Variants in SCAPER observed in about 807,000 individuals in gnomAD.
The protein encoded by SCAPER is S phase cyclin A-associated protein in the endoplasmic reticulum.
In SCAPER, 98 loss-of-function variants were observed where a neutral mutation model predicts 182.2. The observed-to-expected ratio is 0.54, with a 90% CI of 0.46 to 0.64. The LOEUF (loss-of-function observed/expected upper bound fraction) is 0.64. Among genes scored for constraint, SCAPER ranks in the 30% least tolerant of loss-of-function variants. SCAPER has a pLI of 0.00. For missense variants in SCAPER, 1,432 were observed against 1,690.0 expected (o/e 0.85, Z 2.68); for synonymous variants, 605 against 564.6 (o/e 1.07, Z -1.01).
chr15:76,617,295 A>G (rs970855707), intron 22 of SCAPER, among the ~76,000 whole-genome samples: 2 of 152,188 alleles, frequency 1.3e-5, no homozygotes, highest in Admixed American at 6.5e-5. Flanking sequence ...TTGATTAATC[A>G]GTAATTTAAC....
intron 21 of SCAPER, among the ~76,000 whole-genome samples, chr15:76,656,792 T>A (rs1431294852): frequency 6.6e-6 from 1 of 152,126 alleles, no homozygotes; most frequent in East Asian, 1.9e-4. Context: ...TGCTCCCAAA[T>A]GACTTTGGAG....
intron 23 of SCAPER, among the ~76,000 whole-genome samples, chr15:76,567,672 C>G (rs2047141517): frequency 6.6e-6 from 1 of 152,114 alleles, no homozygotes; most frequent in Non-Finnish European, 1.5e-5. Flanking sequence ...ATTTGGATTT[C>G]TTTCAGAATG....
At chr15:76,765,242 T>C in intron 13 of SCAPER, 95 bp downstream of exon 13, 1 of 1,064,230 alleles carries the variant, frequency 9.4e-7, no homozygotes, top group East Asian at 2.5e-5. Flanking sequence ...TGAAGTAATG[T>C]GTCCAAAAAT....
chr15:76,552,796 G>C (rs1489900046), intron 23 of SCAPER, among the ~76,000 whole-genome samples: 3 of 151,778 alleles, frequency 2.0e-5, no homozygotes, highest in Non-Finnish European at 4.4e-5. Flanking sequence ...TAGCCTTTGA[G>C]AGACTGTTTA....
At chr15:76,620,725 G>C (rs1320065644) in intron 22 of SCAPER, among the ~76,000 whole-genome samples, 1 of 152,066 alleles carries the variant, frequency 6.6e-6, no homozygotes, top group African/African-American at 2.4e-5. Flanking sequence ...ACCAGTAAAA[G>C]AGTCATCTAT....
rs113544927 is a variant in SCAPER at position 76,704,872 on chromosome 15, C to T, written c.2247+1031G>A. On this transcript the variant is annotated intron_variant, in intron 18 of 31. Transcript: ENST00000563290. ...TACCATCTCACACCAGTTAGAATGG[C>T]GATCATTAAAAAGTCAGGAAACAAC... Among the ~76,000 whole-genome samples the T allele has an allele frequency of 2.0e-3, 308 of 152,076 alleles. 4 individuals carry two copies. The highest frequency in any genetic ancestry group is 6.4e-3 in the African/African-American group (265 of 41,470).
intron 22 of SCAPER, among the ~76,000 whole-genome samples, chr15:76,604,811 G>A (rs2145837312): frequency 6.6e-6 from 1 of 151,532 alleles, no homozygotes; most frequent in South Asian, 2.1e-4. Flanking sequence ...GTTCACTCAT[G>A]ATTTGGCTCT....
chr15:76,886,658 C>T (rs1195611670), intron 1 of SCAPER, among the ~76,000 whole-genome samples: 1 of 152,136 alleles, frequency 6.6e-6, no homozygotes, highest in Admixed American at 6.5e-5. Flanking sequence ...TGGGTATATA[C>T]CCAAGGGAAC....
chr15:76,773,580 C>G (rs1297405046), intron 9 of SCAPER, among the ~76,000 whole-genome samples: 1 of 151,900 alleles, frequency 6.6e-6, no homozygotes, highest in Admixed American at 6.6e-5. Context: ...GTTTAGGACT[C>G]TTCCATATTG....
chr15:76,725,508 A>G (rs2060531375), intron 17 of SCAPER, among the ~76,000 whole-genome samples: 1 of 152,122 alleles, frequency 6.6e-6, no homozygotes, highest in South Asian at 2.1e-4. Context: ...CAAAAATTAA[A>G]AAATGCACAT....
chr15:76,673,683 T>C (rs762347644), intron 20 of SCAPER, among the ~76,000 whole-genome samples: 10 of 152,116 alleles, frequency 6.6e-5, no homozygotes, highest in Non-Finnish European at 1.3e-4. Flanking sequence ...GCAATGAGCA[T>C]CTCTGATTAT....
intron 24 of SCAPER, among the ~76,000 whole-genome samples, chr15:76,503,376 T>A (rs2041309404): frequency 6.6e-6 from 1 of 152,206 alleles, no homozygotes; most frequent in Non-Finnish European, 1.5e-5. Flanking sequence ...GGGAGCTTTC[T>A]GCTCCACAGA....
At chr15:76,673,976 CACACACACACA>C (rs2057203733) in intron 20 of SCAPER, among the ~76,000 whole-genome samples, 2 of 151,680 alleles carry the variant, frequency 1.3e-5, no homozygotes, top group Non-Finnish European at 2.9e-5. Context: ...CACACACACA[CACACACACACA>C]CACCCCAATC....
chr15:76,853,487 G>A (rs1396867531), intron 4 of SCAPER, among the ~76,000 whole-genome samples: 3 of 151,896 alleles, frequency 2.0e-5, no homozygotes, highest in Admixed American at 6.6e-5. Flanking sequence ...CTTCATCCCC[G>A]GGATGCAAGG....
intron 17 of SCAPER, among the ~76,000 whole-genome samples, chr15:76,718,144 T>G (rs1216045516): frequency 6.6e-6 from 1 of 152,002 alleles, no homozygotes; most frequent in Non-Finnish European, 1.5e-5. Flanking sequence ...CATAAATAAA[T>G]GGCAATTAAA....
Position 76,434,107 on chromosome 15 carries a change from A to C in SCAPER, c.3282T>G (p.Pro1094=). The C allele has an allele frequency of 6.2e-7, 1 of 1,613,958 alleles. No homozygotes were observed. The highest frequency in any genetic ancestry group is 1.1e-5 in the South Asian group (1 of 91,066). ...TAAGGTCCTGAACTCGATTGTTAAA[A>C]GGATCACCTTGTGAGGGTTTGTTTT... ...EMKNKPSQGD[P]FNNRVQDLIS... The change falls in exon 26 of 32, where the codon CCT becomes CCG. Residue 1094 remains proline, a synonymous_variant. Coordinates refer to ENST00000563290, the MANE Select transcript of SCAPER (RefSeq NM_020843.4).
rs774672151 is a variant in SCAPER at position 76,357,188 on chromosome 15, A to ACACACACACC, written c.3856-3049_3856-3048insGGTGTGTGTG. Among the ~76,000 whole-genome samples, 304 of 149,168 alleles carry ACACACACACC rather than the reference A, an allele frequency of 2.0e-3. 2 individuals are homozygous for ACACACACACC. Among genetic ancestry groups the ACACACACACC allele is most frequent in the Admixed American group, 5.4e-3 (81 of 14,890 alleles). On this transcript the variant is annotated intron_variant, in intron 29 of 31. Transcript: ENST00000563290. ...CACACACACACACACACACACACAC[A>ACACACACACC]CCCCTATGGCCACTCACCTACCTCG...
intron 23 of SCAPER, among the ~76,000 whole-genome samples, chr15:76,556,836 T>C (rs1421909766): frequency 2.0e-5 from 3 of 152,012 alleles, no homozygotes; most frequent in South Asian, 2.1e-4. Flanking sequence ...TTGCAGACAA[T>C]ATGCTTCTAT....
chr15:76,511,843 A>ATATG (rs151255382), intron 23 of SCAPER, among the ~76,000 whole-genome samples: 33 of 123,296 alleles, frequency 2.7e-4, no homozygotes, highest in African/African-American at 1.0e-3. Flanking sequence ...ATATATATAT[A>ATATG]TGTGTGTGTG....
Sources: gnomAD v4.1 joint callset for allele counts (sites outside exome capture counted in the v4.1 genomes callset) on GRCh38, gnomAD v4.1.1 for gene constraint, MANE v1.5 for transcripts, NCBI Gene and HGNC (gene_info 2026-07-23, HGNC 2026-07-21) for gene names.